The following QTGAL variants were observed in gnomAD, a reference collection of about 807,000 sequenced individuals.
QTGAL encodes the protein queuosine-tRNA galactosyltransferase, also known as BGnT-like protein 1.
chr17:83,007,679 C>T, the QTGAL span, among the ~76,000 whole-genome samples: 3 of 152,184 alleles, frequency 2.0e-5, no homozygotes, highest in African/African-American at 4.8e-5. Context: ...GCTTCCACTG[C>T]GCATGCCCGA....
the QTGAL span, chr17:83,030,766 C>T: frequency 1.3e-5 from 2 of 152,324 alleles, no homozygotes; most frequent in African/African-American, 2.4e-5. Flanking sequence ...ACCTGAGGCC[C>T]CAGTTCAGAG....
the QTGAL span, among the ~76,000 whole-genome samples, chr17:82,959,932 C>T: frequency 2.6e-5 from 4 of 152,152 alleles, no homozygotes; most frequent in African/African-American, 9.7e-5. Context: ...CCCCAGGGCG[C>T]CCTATGCCTC....
chr17:83,025,077 C>T, the QTGAL span, among the ~76,000 whole-genome samples: 1 of 152,132 alleles, frequency 6.6e-6, no homozygotes, highest in Non-Finnish European at 1.5e-5. Flanking sequence ...CAGTAAGTGA[C>T]AGTAACTAAT....
the QTGAL span, among the ~76,000 whole-genome samples, chr17:82,997,933 ATAT>A: frequency 4.1e-4 from 48 of 118,506 alleles, no homozygotes; most frequent in African/African-American, 1.4e-3. Flanking sequence ...AAAAAAAAAT[ATAT>A]ATATATATAT....
chr17:83,008,105 T>C, the QTGAL span, among the ~76,000 whole-genome samples: 1 of 152,190 alleles, frequency 6.6e-6, no homozygotes, highest in African/African-American at 2.4e-5. Flanking sequence ...AGGTGCGCTA[T>C]GCGCTTAATC....
chr17:83,014,408 T>C, the QTGAL span: 1 of 1,588,102 alleles, frequency 6.3e-7, no homozygotes, highest in African/African-American at 1.3e-5. Context: ...ACCACAGTGG[T>C]AATTTCACTA....
chr17:83,026,002 G>A, the QTGAL span, among the ~76,000 whole-genome samples: 175 of 152,348 alleles, frequency 1.1e-3, 3 homozygotes, highest in South Asian at 0.019. Context: ...GAAACTTTCT[G>A]TGAGTTCTGA....
the QTGAL span, among the ~76,000 whole-genome samples, chr17:83,027,007 G>C: frequency 0.14 from 14,881 of 107,806 alleles, 999 homozygotes; most frequent in East Asian, 0.3. Context: ...GACACACAGA[G>C]CGGGGCAGGG....
At chr17:83,005,989 G>A in the QTGAL span, 4 of 1,092,938 alleles carry the variant, frequency 3.7e-6, no homozygotes, top group Non-Finnish European at 4.5e-6. The surrounding 1 kb of genome is among the most constrained non-coding windows in gnomAD (Gnocchi z 5.6). Context: ...ACCTTGCAGT[G>A]GGAGGAGCTG....
the QTGAL span, among the ~76,000 whole-genome samples, chr17:83,026,533 TG>T: frequency 1.6e-5 from 1 of 61,790 alleles, no homozygotes. Flanking sequence ...CAGAGCGGAG[TG>T]GGGAGCCCAC....
chr17:83,021,533 C>T, the QTGAL span, among the ~76,000 whole-genome samples: 5 of 152,110 alleles, frequency 3.3e-5, no homozygotes, highest in Admixed American at 1.3e-4. Flanking sequence ...GGCATAAACA[C>T]ATGGAGAGAT....
the QTGAL span, among the ~76,000 whole-genome samples, chr17:83,014,219 A>C: frequency 4.6e-5 from 7 of 152,152 alleles, no homozygotes; most frequent in Non-Finnish European, 1.0e-4. Flanking sequence ...AAAACAAACA[A>C]CACAACCACC....
chr17:82,975,101 C>A, the QTGAL span, among the ~76,000 whole-genome samples: 1 of 86,038 alleles, frequency 1.2e-5, no homozygotes, highest in Non-Finnish European at 2.2e-5. Context: ...TATGGAGAGT[C>A]AGGGCCCCGG....
the QTGAL span, chr17:83,048,614 A>G: frequency 6.2e-7 from 1 of 1,605,902 alleles, no homozygotes; most frequent in Non-Finnish European, 8.5e-7. Context: ...CCCTCCGAAC[A>G]GTCAACCGTT....
the QTGAL span, chr17:82,949,938 C>T: frequency 4.5e-4 from 69 of 152,304 alleles, no homozygotes; most frequent in African/African-American, 1.6e-3. Context: ...GATGGACACG[C>T]TTGCTCCAGG....
the QTGAL span, among the ~76,000 whole-genome samples, chr17:83,019,878 C>T: frequency 0.038 from 5,802 of 152,128 alleles, 175 homozygotes; most frequent in African/African-American, 0.08. Context: ...GAATTACAGG[C>T]GCCCACCACC....
chr17:83,001,617 C>T, the QTGAL span, among the ~76,000 whole-genome samples: 8 of 151,602 alleles, frequency 5.3e-5, no homozygotes, highest in Admixed American at 3.3e-4. Context: ...GGGTGGGGGA[C>T]GGGAGCCCCT....
the QTGAL span, among the ~76,000 whole-genome samples, chr17:82,977,605 G>A: frequency 1.6e-4 from 24 of 152,308 alleles, no homozygotes; most frequent in East Asian, 3.9e-4. Flanking sequence ...GGTGCAACTC[G>A]AAACCCACCG....
At chr17:82,965,584 G>C in the QTGAL span, 2 of 1,437,124 alleles carry the variant, frequency 1.4e-6, no homozygotes, top group Admixed American at 2.1e-5. Context: ...CCAGTGTGCA[G>C]AGCCCACACA....
Sources: gnomAD v4.1 joint callset for allele counts (sites outside exome capture counted in the v4.1 genomes callset) on GRCh38, gnomAD v4.1.1 for gene constraint, Gnocchi (gnomAD v3.1) non-coding constraint, MANE v1.5 for transcripts, NCBI Gene and HGNC (gene_info 2026-07-23, HGNC 2026-07-21) for gene names.